Variants in MED23 observed in about 807,000 individuals in gnomAD.
MED23 encodes mediator complex subunit 23, also known as mediator of RNA polymerase II transcription subunit 23.
A neutral mutation model predicts 163.9 loss-of-function variants in MED23; 105 were observed. The observed-to-expected ratio is 0.64, with a 90% CI of 0.55 to 0.75. MED23 has a LOEUF of 0.75. Among genes scored for constraint, MED23 ranks in the 30% least tolerant of loss-of-function variants. The pLI is 0.00. For missense variants in MED23, 1,054 were observed against 1,649.0 expected (o/e 0.64, Z 6.25); for synonymous variants, 561 against 565.6 (o/e 0.99, Z 0.12).
At position 131,587,838 on chromosome 6, in the gene MED23, C is replaced by T. The variant is rs1305043795; in HGVS notation, c.3948G>A (p.Lys1316=). ...AAGCTGGTTTTAAGTTACAGATAAT[C>T]TTCTCTACCTAAGAAATAAAAACAC... ...TGDSVKEQVE[K]IICNLKPALK... is the part of the protein sequence containing the mutation. The change falls in exon 29 of 29, where the codon AAG becomes AAA. Residue 1316 remains lysine, a synonymous_variant. Coordinates refer to ENST00000368068, the MANE Select transcript of MED23 (RefSeq NM_004830.4). The T allele has an allele frequency of 1.9e-6, 3 of 1,612,382 alleles. No individual in the cohort carries two copies. The highest frequency in any genetic ancestry group is 2.2e-5 in the East Asian group (1 of 44,800).
At chr6:131,593,462 T>C (rs914049059) in intron 23 of MED23, among the ~76,000 whole-genome samples, 1 of 152,192 alleles carries the variant, frequency 6.6e-6, no homozygotes, top group African/African-American at 2.4e-5. Flanking sequence ...TTAATAGTTA[T>C]AAGACATTAA....
At chr6:131,619,543 G>A (rs1776933430) in intron 8 of MED23, among the ~76,000 whole-genome samples, 8 of 151,802 alleles carry the variant, frequency 5.3e-5, no homozygotes. Context: ...ATTCCATGGT[G>A]CTTTACTAGC....
downstream of MED23, among the ~76,000 whole-genome samples, chr6:131,585,966 T>C (rs1774160993): frequency 6.6e-6 from 1 of 152,234 alleles, no homozygotes; most frequent in Admixed American, 6.5e-5. Context: ...GTTTGTATAA[T>C]ACTAGTGTCA....
intron 8 of MED23, among the ~76,000 whole-genome samples, chr6:131,618,781 C>T (rs1294812170): frequency 1.3e-5 from 2 of 152,216 alleles, no homozygotes; most frequent in East Asian, 3.8e-4. Flanking sequence ...CAACTATAAT[C>T]CATGGGCCAA....
At chr6:131,612,024 G>A (rs1240126806) in intron 10 of MED23, among the ~76,000 whole-genome samples, 3 of 152,010 alleles carry the variant, frequency 2.0e-5, no homozygotes, top group African/African-American at 7.2e-5. Context: ...GACAAAGCAA[G>A]AACAACTAGG....
At chr6:131,625,137 A>C (rs1205292598) in intron 3 of MED23, 148 bp from the exon 4 acceptor site, 3 of 863,338 alleles carry the variant, frequency 3.5e-6, no homozygotes, top group Non-Finnish European at 5.3e-6. Context: ...TAAAAAAAGC[A>C]AAATTAAAAA....
At position 131,594,254 on chromosome 6, in the gene MED23, A is replaced by C; in HGVS notation, c.3077T>G (p.Leu1026Arg). Residue 1026 changes from leucine (L) to arginine (R), a missense_variant, in exon 23 of 29, where the codon CTC becomes CGC. Leu to Arg is a moderately radical substitution (Grantham distance 102). This residue lies in a region of MED23 where 362 missense variants were observed against 471.6 expected (regional missense o/e 0.77). Transcript: ENST00000368068. ...LRDRAFLKRK[L>R]VHAIIGSLKD... ...CAGAGAGCCAATGATCGCATGGACG[A>C]GTTTTCGTTTGAGAAATGCGCGGTC... The C allele has an allele frequency of 6.2e-7, 1 of 1,614,170 alleles. No homozygotes were observed. Among genetic ancestry groups the C allele is most frequent in the Admixed American group, 1.7e-5 (1 of 60,012 alleles).
At chr6:131,583,003 G>C, downstream of MED23, 15 of 1,235,852 alleles carry the variant, frequency 1.2e-5, no homozygotes, top group Non-Finnish European at 1.7e-5. Context: ...CTTAAAAGGA[G>C]ACAGGCGGGC....
chr6:131,587,550 A>C lies in MED23; in HGVS notation c.*129T>G, dbSNP rs1424025295. The C allele has an allele frequency of 6.5e-7, 1 of 1,529,968 alleles. No individual in the cohort carries two copies. The highest frequency in any genetic ancestry group is 8.8e-7 in the Non-Finnish European group (1 of 1,138,224). The allele number at this position is 1,529,968 out of a possible 1,614,324, so 94.8% of individuals were successfully genotyped here. The stretch of plus-strand genomic sequence containing the variant: ...CAACAGATTCATCATTTGAATCAAA[A>C]TAAAACAATCTGAATATCATCACTG... On this transcript the variant is annotated 3_prime_UTR_variant, in exon 29 of 29. Transcript: ENST00000368068.
Position 131,593,034 on chromosome 6 carries a change from T to G in MED23, c.3370A>C (p.Asn1124His). The G allele has an allele frequency of 6.2e-7, 1 of 1,614,200 alleles. No individual in the cohort carries two copies. The highest frequency in any genetic ancestry group is 1.3e-5 in the African/African-American group (1 of 75,062). ...TTTAGGACAACATTTAGAAGGGCATTCCCAACTTCTTTGCCTGAAACTGCC... is the reference window on the plus strand; with the variant it reads ...TTTAGGACAACATTTAGAAGGGCATGCCCAACTTCTTTGCCTGAAACTGCC... The part of the protein sequence containing the change: ...ALAVSGKEVG[N>H]ALLNVVLKSQ... Residue 1124 changes from asparagine to histidine, a missense_variant, in exon 24 of 29, where the codon AAT (asparagine) becomes CAT (histidine). Asn to His is a moderately conservative substitution (Grantham distance 68). Transcript: ENST00000368068.
chr6:131,627,191 C>T lies in MED23; in HGVS notation c.159+205G>A, dbSNP rs1585586000. 33 of 583,980 alleles carry T rather than the reference C, an allele frequency of 5.7e-5. 1 individual carries two copies. The East Asian group carries it at 9.5e-4, about 17-fold the overall frequency. 36.2% of individuals were successfully genotyped at this position (583,980 alleles called of 1,614,324 possible). A position where few individuals can be genotyped will look rare whatever the true frequency, so the allele number is the denominator to read the frequency against. ...TTAAACATCTCACACTGTGCAGTAT[C>T]AACTTGACTTCTCAACACAGGTTTT... On this transcript the variant is annotated intron_variant, in intron 3 of 28. Transcript: ENST00000368068.
chr6:131,581,333 G>A lies in MED23; in HGVS notation c.4095+6376C>T, dbSNP rs1472997422. On this transcript the variant is annotated intron_variant, in intron 30 of 30. Transcript: ENST00000354577. Reference sequence around the variant, plus strand: ...CACTGACAACCACAAGTGGAAACTTGCATGGACAACCTGTATCTTTCCTCC... The same window carrying A: ...CACTGACAACCACAAGTGGAAACTTACATGGACAACCTGTATCTTTCCTCC... 3 of 1,613,858 alleles carry A rather than the reference G, an allele frequency of 1.9e-6. No homozygotes were observed. The highest frequency in any genetic ancestry group is 1.1e-5 in the South Asian group (1 of 91,054).
At chr6:131,611,333 T>C (rs1459464921) in intron 10 of MED23, among the ~76,000 whole-genome samples, 1 of 152,184 alleles carries the variant, frequency 6.6e-6, no homozygotes, top group East Asian at 1.9e-4. Context: ...AGCTCCAATA[T>C]AGCTGTAGTT....
intron 10 of MED23, among the ~76,000 whole-genome samples, chr6:131,613,917 T>A (rs577889629): frequency 3.9e-5 from 6 of 152,236 alleles, no homozygotes; most frequent in Middle Eastern, 6.8e-3. Flanking sequence ...GCTAAGGATA[T>A]CTGGGGGAGG....
rs112843989 is a variant in MED23 at position 131,591,270 on chromosome 6, A to T, written c.3686+43T>A. The T allele has an allele frequency of 8.5e-5, 126 of 1,486,328 alleles. 2 individuals are homozygous for T. In the African/African-American group the frequency reaches 1.5e-3, roughly 18 times the overall value. The allele number at this position is 1,486,328 out of a possible 1,614,324, so 92.1% of individuals were successfully genotyped here. A position where few individuals can be genotyped will look rare whatever the true frequency, so the allele number is the denominator to read the frequency against. On this transcript the variant is annotated intron_variant, in intron 26 of 28. Coordinates refer to ENST00000368068, the MANE Select transcript of MED23 (RefSeq NM_004830.4). ...TGGGATTACAGGCATGAACCACCGC[A>T]CCCAGCCTACGTCAAATTTCTTTAA...
Position 131,593,191 on chromosome 6 carries a change from T to C in MED23, c.3233-20A>G. On this transcript the variant is annotated intron_variant, in intron 23 of 28. Coordinates refer to ENST00000368068, the MANE Select transcript of MED23 (RefSeq NM_004830.4). Reference sequence around the variant, plus strand: ...CCATCGGTGCACACAGTTAAAGCAATAACAATTGGACTATCTCATCTGATT... The same window carrying C: ...CCATCGGTGCACACAGTTAAAGCAACAACAATTGGACTATCTCATCTGATT... 1 of 1,614,008 alleles carries C rather than the reference T, an allele frequency of 6.2e-7. No individual in the cohort carries two copies. The highest frequency in any genetic ancestry group is 8.5e-7 in the Non-Finnish European group (1 of 1,179,902).
At chr6:131,627,349 AG>A in intron 3 of MED23, 46 bp downstream of exon 3, 1 of 1,364,224 alleles carries the variant, frequency 7.3e-7, no homozygotes, top group Admixed American at 2.1e-5. Context: ...AAAAAAAAGA[AG>A]AGGCCAAAAA....
intron 10 of MED23, chr6:131,615,389 A>G (rs2114725425): frequency 1.3e-6 from 2 of 1,589,652 alleles, no homozygotes; most frequent in South Asian, 2.2e-5. Context: ...GAACAAAAAT[A>G]AAGGAAGAAA....
In MED23 at chr6:131,620,723, C is replaced by T; in HGVS notation, c.502G>A (p.Ala168Thr). ...CAGGCATTTCTTTCCAAGATATATGCTATAACCTAAGAAAAACAAAAAGGC... is the reference window on the plus strand; with the variant it reads ...CAGGCATTTCTTTCCAAGATATATGTTATAACCTAAGAAAAACAAAAAGGC... ...QQLLAAREVIAYILERNACLL... is the reference protein window; with the variant it reads ...QQLLAAREVITYILERNACLL... Residue 168 changes from alanine to threonine, a missense_variant, in exon 7 of 29, where the codon GCA becomes ACA. Ala to Thr is a moderately conservative substitution (Grantham distance 58). Coordinates refer to ENST00000368068, the MANE Select transcript of MED23 (RefSeq NM_004830.4). The T allele has an allele frequency of 6.2e-7, 1 of 1,607,358 alleles. No homozygotes were observed. The highest frequency in any genetic ancestry group is 8.5e-7 in the Non-Finnish European group (1 of 1,174,370).
Sources: allele counts gnomAD v4.1 joint callset (sites outside exome capture counted in the v4.1 genomes callset), GRCh38; gene constraint gnomAD v4.1.1; regional missense constraint gnomAD v4.1.1; transcripts MANE v1.5; gene names NCBI Gene and HGNC (gene_info 2026-07-23, HGNC 2026-07-21).